The following DEPTOR variants were observed in gnomAD, a reference collection of about 807,000 sequenced individuals.
The protein encoded by DEPTOR is DEP domain containing MTOR interacting protein.
In DEPTOR, 41 loss-of-function variants were observed where a neutral mutation model predicts 41.6. The ratio of observed to expected loss-of-function variants is 0.98; its 90% CI spans 0.77 to 1.28. The LOEUF is 1.28. Ranked by LOEUF, DEPTOR falls within the 50% of genes most tolerant of loss-of-function variation. DEPTOR has a pLI of 0.00. For synonymous variants in DEPTOR, 195 were observed against 192.3 expected (o/e 1.01, Z -0.12); for missense variants, 514 against 527.9 (o/e 0.97, Z 0.26).
rs1827898312 is a variant in DEPTOR, at chr8:119,921,759, TGTTTG to T, written c.123-6640_123-6636del. ...GGTTCTATTCTGTAGTTTTTTTTTT[TGTTTG>T]TTTGTTTGTTTTTTGAAACAGGGTC... is the stretch of plus-strand genomic sequence containing the variant. On this transcript the variant is annotated intron_variant, in intron 1 of 8. Transcript: ENST00000286234. Among the ~76,000 whole-genome samples, 64 of 145,970 alleles carry T rather than the reference TGTTTG, an allele frequency of 4.4e-4. 1 individual carries two copies. Among genetic ancestry groups the T allele is most frequent in the African/African-American group, 7.4e-4 (28 of 37,846 alleles).
At chr8:120,018,403 C>T (rs1354362237) in intron 8 of DEPTOR, among the ~76,000 whole-genome samples, 3 of 152,168 alleles carry the variant, frequency 2.0e-5, no homozygotes, top group African/African-American at 7.2e-5. Flanking sequence ...CATGGCGAAA[C>T]CCCATCTCTA....
chr8:119,980,938 A>G (rs2130019563), intron 4 of DEPTOR, among the ~76,000 whole-genome samples: 1 of 152,320 alleles, frequency 6.6e-6, no homozygotes, highest in Non-Finnish European at 1.5e-5. Flanking sequence ...CCAGCCACAT[A>G]GGTAACAACA....
At chr8:119,970,835 T>C (rs1341464926) in intron 4 of DEPTOR, among the ~76,000 whole-genome samples, 1 of 152,096 alleles carries the variant, frequency 6.6e-6, no homozygotes, top group Non-Finnish European at 1.5e-5. Flanking sequence ...TTGAAGGGAC[T>C]CCCTTCTCTA....
chr8:119,888,551 G>A (rs1827404032), intron 1 of DEPTOR, among the ~76,000 whole-genome samples: 1 of 152,044 alleles, frequency 6.6e-6, no homozygotes, highest in Non-Finnish European at 1.5e-5. Flanking sequence ...AATCTTGATG[G>A]ATAAACAAGA....
At chr8:120,021,747 C>T (rs372580442) in intron 8 of DEPTOR, among the ~76,000 whole-genome samples, 4 of 152,126 alleles carry the variant, frequency 2.6e-5, no homozygotes, top group African/African-American at 9.7e-5. Context: ...ATGGCACAGT[C>T]ATGGGGATAA....
At chr8:120,004,441 G>A in intron 6 of DEPTOR, among the ~76,000 whole-genome samples, 1 of 152,094 alleles carries the variant, frequency 6.6e-6, no homozygotes, top group Admixed American at 6.5e-5. Context: ...TGGGATGTTT[G>A]AAGCCTTTGT....
intron 3 of DEPTOR, among the ~76,000 whole-genome samples, chr8:119,959,531 CTT>C (rs1055976492): frequency 2.2e-5 from 3 of 137,802 alleles, no homozygotes. Context: ...TCTAAATAAT[CTT>C]TTTTTTTTTT....
intron 8 of DEPTOR, 141 bp from the exon 9 acceptor site, chr8:120,049,435 A>T: frequency 1.0e-6 from 1 of 959,408 alleles, no homozygotes; most frequent in Non-Finnish European, 1.4e-6. Context: ...CTTGGAAATT[A>T]TTGAATTGGA....
chr8:119,957,527 G>A (rs1380507369), intron 3 of DEPTOR, among the ~76,000 whole-genome samples: 4 of 151,846 alleles, frequency 2.6e-5, no homozygotes, highest in Non-Finnish European at 4.4e-5. Flanking sequence ...AAGAAATGAA[G>A]GAATGGTGGT....
intron 1 of DEPTOR, among the ~76,000 whole-genome samples, chr8:119,917,664 T>C (rs1004505782): frequency 6.6e-6 from 1 of 152,198 alleles, no homozygotes; most frequent in African/African-American, 2.4e-5. Flanking sequence ...GTCTGAAATA[T>C]GGCCTCGTGG....
At chr8:119,875,520 T>C (rs973574959) in intron 1 of DEPTOR, among the ~76,000 whole-genome samples, 3 of 152,126 alleles carry the variant, frequency 2.0e-5, no homozygotes, top group African/African-American at 7.2e-5. Context: ...AGGTCATCAA[T>C]ATATTGAATA....
At chr8:119,944,898 C>T (rs1451140432) in intron 3 of DEPTOR, among the ~76,000 whole-genome samples, 3 of 152,078 alleles carry the variant, frequency 2.0e-5, no homozygotes, top group Non-Finnish European at 4.4e-5. Context: ...TCATGATCTG[C>T]CCACCTCAGC....
At chr8:119,991,094 T>TAAA (rs1812164682) in intron 4 of DEPTOR, among the ~76,000 whole-genome samples, 1 of 120,640 alleles carries the variant, frequency 8.3e-6, no homozygotes, top group Non-Finnish European at 1.8e-5. Context: ...TTCTTTTTCT[T>TAAA]TCTTTCTTTC....
intron 1 of DEPTOR, among the ~76,000 whole-genome samples, chr8:119,918,938 A>AGTGTGTGTGTGTGTGTGTGTGTGTGT (rs751715374): frequency 1.5e-5 from 2 of 133,556 alleles, no homozygotes; most frequent in South Asian, 5.3e-4. Context: ...TTGCATAGTG[A>AGTGTGTGTGTGTGTGTGTGTGTGTGT]GTGTGTGTGT....
At chr8:120,016,258 C>T (rs1279929037) in intron 8 of DEPTOR, among the ~76,000 whole-genome samples, 1 of 152,066 alleles carries the variant, frequency 6.6e-6, no homozygotes, top group Non-Finnish European at 1.5e-5. Context: ...CCTTCTAATA[C>T]CATCACACTG....
intron 1 of DEPTOR, 54 bp downstream of exon 1, chr8:119,874,022 C>G: frequency 6.2e-7 from 1 of 1,605,824 alleles, no homozygotes; most frequent in Middle Eastern, 1.7e-4. Context: ...AACGCGTGCC[C>G]GCTGCAGTCC....
At chr8:119,877,491 G>T (rs151124101) in intron 1 of DEPTOR, among the ~76,000 whole-genome samples, 2 of 152,184 alleles carry the variant, frequency 1.3e-5, no homozygotes, top group East Asian at 1.9e-4. Context: ...CTGCAGGATT[G>T]TAAGTGCTTT....
intron 1 of DEPTOR, among the ~76,000 whole-genome samples, chr8:119,895,884 G>T (rs151249051): frequency 3.5e-4 from 53 of 152,240 alleles, no homozygotes; most frequent in African/African-American, 1.2e-3. Flanking sequence ...TTTGAAATGA[G>T]GACTTTAAAC....
chr8:120,000,939 T>A (rs1812338465), intron 4 of DEPTOR, among the ~76,000 whole-genome samples: 1 of 151,258 alleles, frequency 6.6e-6, no homozygotes, highest in Admixed American at 6.6e-5. Context: ...TAGCCAGGTG[T>A]GGTGGTGGGC....
Sources: gnomAD v4.1 joint callset for allele counts (sites outside exome capture counted in the v4.1 genomes callset) on GRCh38, gnomAD v4.1.1 for gene constraint, MANE v1.5 for transcripts, NCBI Gene and HGNC (gene_info 2026-07-23, HGNC 2026-07-21) for gene names.